CCSER1: variants seen among roughly 807,000 people sequenced by gnomAD.
CCSER1 encodes the protein serine-rich coiled-coil domain-containing protein 1.
A neutral mutation model predicts 82.0 loss-of-function variants in CCSER1; 41 were observed. The observed-to-expected ratio is 0.50, with a 90% confidence interval of 0.39 to 0.65. The LOEUF (loss-of-function observed/expected upper bound fraction) is 0.65. Ranked by LOEUF, CCSER1 falls within the 30% of genes least tolerant of loss-of-function variation. The pLI, the probability that CCSER1 is intolerant of heterozygous loss-of-function variation, is 0.00. For missense variants in CCSER1, 1,119 were observed against 1,064.2 expected (o/e 1.05, Z -0.72); for synonymous variants, 414 against 383.9 (o/e 1.08, Z -0.92).
At chr4:90,202,499 C>T (rs912351215) in intron 1 of CCSER1, among the ~76,000 whole-genome samples, 10 of 152,148 alleles carry the variant, frequency 6.6e-5, no homozygotes, top group Admixed American at 1.3e-4. Context: ...CACTGTGACC[C>T]GCCGTAAATA....
At chr4:91,010,814 T>A (rs1738947742) in intron 9 of CCSER1, among the ~76,000 whole-genome samples, 1 of 134,698 alleles carries the variant, frequency 7.4e-6, no homozygotes, top group Non-Finnish European at 1.7e-5. Flanking sequence ...GATAATGAAT[T>A]GTTTTCTGGA....
intron 10 of CCSER1, among the ~76,000 whole-genome samples, chr4:91,211,071 G>T (rs902852143): frequency 2.6e-5 from 4 of 151,954 alleles, no homozygotes; most frequent in African/African-American, 9.7e-5. Context: ...AATGATTCAT[G>T]ATTTTGCTCA....
Position 90,631,136 on chromosome 4 carries a change from G to A in CCSER1, c.1932+2904G>A, listed in dbSNP as rs373435097. ...TCTTGATCTCATGACCTCGTGATCC[G>A]CCCGCCTAGGCCTCCCAAAGTGCTG... On this transcript the variant is annotated intron_variant, in intron 6 of 10. Transcript: ENST00000509176. Among the ~76,000 whole-genome samples the A allele has an allele frequency of 3.9e-5, 6 of 152,022 alleles. No homozygotes were observed. The East Asian group carries it at 7.8e-4, about 20-fold the overall frequency.
intron 10 of CCSER1, 65 bp from the exon 11 acceptor site, chr4:91,598,507 G>C: frequency 4.9e-6 from 7 of 1,433,902 alleles, no homozygotes; most frequent in Non-Finnish European, 6.5e-6. Context: ...ATATCACTCT[G>C]TATTGTATGT....
intron 9 of CCSER1, among the ~76,000 whole-genome samples, chr4:91,079,231 A>G (rs2148794328): frequency 6.6e-6 from 1 of 152,322 alleles, no homozygotes; most frequent in Non-Finnish European, 1.5e-5. Context: ...ATCTCTCAGC[A>G]GAAACTCTAC....
intron 3 of CCSER1, among the ~76,000 whole-genome samples, chr4:90,332,133 T>C (rs1034262585): frequency 1.3e-5 from 2 of 152,198 alleles, no homozygotes; most frequent in Non-Finnish European, 2.9e-5. Flanking sequence ...TGTGAATCTT[T>C]TACTTTAAAG....
rs181157271 is a variant in CCSER1 at position 91,559,124 on chromosome 4, G to C, written c.2218-39448G>C. 1.8e-3 allele frequency among the ~76,000 whole-genome samples: 276 copies of C among 151,454 alleles called. 2 individuals carry two copies. The highest frequency in any genetic ancestry group is 6.5e-3 in the African/African-American group (269 of 41,376). ...ATCTAATATTAACTAACAAAGTTTG[G>C]ATATGGACCTCTGTCAACTATTCTG... On this transcript the variant is annotated intron_variant, in intron 10 of 10. Transcript: ENST00000509176.
intron 1 of CCSER1, among the ~76,000 whole-genome samples, chr4:90,192,168 C>A (rs1735751074): frequency 6.6e-6 from 1 of 151,966 alleles, no homozygotes; most frequent in East Asian, 1.9e-4. Flanking sequence ...CAAGGAGGAG[C>A]AAGTCACATG....
At chr4:91,151,815 T>G (rs943510303) in intron 10 of CCSER1, among the ~76,000 whole-genome samples, 7 of 152,238 alleles carry the variant, frequency 4.6e-5, no homozygotes, top group African/African-American at 9.6e-5. Context: ...GAGTTCTAAT[T>G]TGATTCCACT....
intron 1 of CCSER1, among the ~76,000 whole-genome samples, chr4:90,155,062 C>G (rs1727791508): frequency 6.6e-6 from 1 of 152,136 alleles, no homozygotes; most frequent in South Asian, 2.1e-4. Context: ...CCATCAATAC[C>G]TAATTTATTG....
chr4:91,597,025 A>G lies in CCSER1; in HGVS notation c.2218-1547A>G, dbSNP rs529626402. ...AGGAGGGAGACTTATTTCAATAATA[A>G]TCATTTTGAGGCATCAGCTCATATT... On this transcript the variant is annotated intron_variant, in intron 10 of 10. Coordinates refer to ENST00000509176, the MANE Select transcript of CCSER1 (RefSeq NM_001145065.2). Among the ~76,000 whole-genome samples, 24 of 152,138 alleles carry G rather than the reference A, an allele frequency of 1.6e-4. No homozygotes were observed. In the South Asian group the frequency reaches 4.6e-3, roughly 29 times the overall value.
intron 7 of CCSER1, among the ~76,000 whole-genome samples, chr4:90,732,054 T>TCTCTCTCTCTCTCA (rs1189938582): frequency 6.6e-6 from 1 of 151,340 alleles, no homozygotes; most frequent in African/African-American, 2.4e-5. Flanking sequence ...TCTCTCTCTC[T>TCTCTCTCTCTCTCA]CTCTCTCACT....
chr4:90,375,658 T>C (rs1032044582), intron 3 of CCSER1, among the ~76,000 whole-genome samples: 2 of 152,180 alleles, frequency 1.3e-5, no homozygotes, highest in African/African-American at 4.8e-5. Context: ...TTTCCCTTAA[T>C]TGTAGTGAGA....
At chr4:91,485,930 A>T (rs766172192) in intron 10 of CCSER1, among the ~76,000 whole-genome samples, 2 of 152,138 alleles carry the variant, frequency 1.3e-5, no homozygotes, top group Non-Finnish European at 2.9e-5. Flanking sequence ...TATATTTTAA[A>T]TGATGAAATG....
chr4:90,516,872 G>T (rs1281306530), intron 5 of CCSER1, among the ~76,000 whole-genome samples: 1 of 152,142 alleles, frequency 6.6e-6, no homozygotes, highest in Non-Finnish European at 1.5e-5. Flanking sequence ...ATACTTTTAT[G>T]AGGTGGATTT....
chr4:90,664,946 CGTAAA>C (rs1313163352), intron 6 of CCSER1, among the ~76,000 whole-genome samples: 3 of 152,114 alleles, frequency 2.0e-5, no homozygotes, highest in Admixed American at 1.3e-4. Flanking sequence ...AAATTTTTGG[CGTAAA>C]GTAGACGCTT....
chr4:91,491,284 G>A (rs67579820), intron 10 of CCSER1, among the ~76,000 whole-genome samples: 26 of 151,676 alleles, frequency 1.7e-4, no homozygotes, highest in Admixed American at 7.2e-4. Context: ...CCTCTCCATC[G>A]CCTATTAAAT....
chr4:91,125,656 A>G (rs1025204286), intron 10 of CCSER1, among the ~76,000 whole-genome samples: 7 of 151,738 alleles, frequency 4.6e-5, no homozygotes, highest in Admixed American at 3.9e-4. Context: ...GCATGATTTA[A>G]CATAGCCCAG....
intron 10 of CCSER1, among the ~76,000 whole-genome samples, chr4:91,479,796 G>T (rs1757795597): frequency 7.0e-6 from 1 of 143,108 alleles, no homozygotes; most frequent in East Asian, 2.0e-4. Flanking sequence ...CATTGTGCAG[G>T]TTAGTTACAT....
Sources: allele counts gnomAD v4.1 joint callset (sites outside exome capture counted in the v4.1 genomes callset), GRCh38; gene constraint gnomAD v4.1.1; transcripts MANE v1.5; gene names NCBI Gene and HGNC (gene_info 2026-07-23, HGNC 2026-07-21).